Variants in TRPM3 observed in about 807,000 individuals in gnomAD.
The protein encoded by TRPM3 is long transient receptor potential channel 3.
A neutral mutation model predicts 181.2 loss-of-function variants in TRPM3; 77 were observed. That is an observed-to-expected ratio of 0.42 (90% CI 0.35 to 0.51). The LOEUF (loss-of-function observed/expected upper bound fraction) is 0.51. Among genes scored for constraint, TRPM3 ranks in the 20% least tolerant of loss-of-function variants. The pLI, the probability that TRPM3 is intolerant of heterozygous loss-of-function variation, is 0.01. For missense variants in TRPM3, 1,759 were observed against 2,196.7 expected, an observed-to-expected ratio of 0.80 and a Z score of 3.98; for synonymous variants, 745 against 796.4, an observed-to-expected ratio of 0.94 and a Z score of 1.09.
intron 1 of TRPM3, among the ~76,000 whole-genome samples, chr9:71,203,081 A>T (rs553650234): frequency 6.6e-6 from 1 of 152,322 alleles, no homozygotes; most frequent in South Asian, 2.1e-4. Flanking sequence ...TTTGGCTCCT[A>T]GAAGTGTTTG....
intron 1 of TRPM3, among the ~76,000 whole-genome samples, chr9:70,939,693 C>G (rs2096866433): frequency 6.6e-6 from 1 of 152,198 alleles, no homozygotes; most frequent in Non-Finnish European, 1.5e-5. Flanking sequence ...ATAGCTCAAT[C>G]TTTTGAATTG....
At chr9:71,034,532 T>C (rs1026842359) in intron 1 of TRPM3, among the ~76,000 whole-genome samples, 5 of 152,026 alleles carry the variant, frequency 3.3e-5, no homozygotes, top group African/African-American at 9.7e-5. Context: ...ACCTCTAATA[T>C]CTAGGGTGTA....
intron 1 of TRPM3, among the ~76,000 whole-genome samples, chr9:71,430,174 G>A (rs1324950731): frequency 6.6e-6 from 1 of 152,132 alleles, no homozygotes; most frequent in Non-Finnish European, 1.5e-5. Flanking sequence ...GCTGGAACTT[G>A]ATAAAATGAA....
intron 1 of TRPM3, among the ~76,000 whole-genome samples, chr9:71,011,705 T>G (rs548023242): frequency 1.3e-5 from 2 of 151,648 alleles, no homozygotes; most frequent in Non-Finnish European, 2.9e-5. Flanking sequence ...CTTAATTGCA[T>G]CTTGATTTTA....
At chr9:71,032,368 A>C (rs2134707637) in intron 1 of TRPM3, among the ~76,000 whole-genome samples, 1 of 150,782 alleles carries the variant, frequency 6.6e-6, no homozygotes, top group East Asian at 2.0e-4. Context: ...CCACAGGTTA[A>C]AAAAGTGATT....
intron 1 of TRPM3, among the ~76,000 whole-genome samples, chr9:71,420,681 A>AAG (rs1203106626): frequency 2.2e-5 from 2 of 88,906 alleles, no homozygotes; most frequent in Admixed American, 1.3e-4. Flanking sequence ...GAGAGAAAGA[A>AAG]AGAGAAAGGG....
At chr9:71,300,526 T>G (rs2086671956) in intron 1 of TRPM3, among the ~76,000 whole-genome samples, 1 of 152,080 alleles carries the variant, frequency 6.6e-6, no homozygotes, top group Admixed American at 6.6e-5. Context: ...TTTTTTTAAC[T>G]CAGTACTGTT....
chr9:71,288,773 A>G (rs1170644476), intron 1 of TRPM3, among the ~76,000 whole-genome samples: 3 of 152,182 alleles, frequency 2.0e-5, no homozygotes, highest in Non-Finnish European at 4.4e-5. Flanking sequence ...AAAATCAAAG[A>G]AAAAAGTTGA....
chr9:70,966,871 T>A (rs1453576958), intron 1 of TRPM3, among the ~76,000 whole-genome samples: 1 of 152,058 alleles, frequency 6.6e-6, no homozygotes, highest in Non-Finnish European at 1.5e-5. Flanking sequence ...TGCACATGTA[T>A]CCCTGAACTT....
chr9:71,345,457 G>A (rs2091236301), intron 1 of TRPM3, among the ~76,000 whole-genome samples: 1 of 152,110 alleles, frequency 6.6e-6, no homozygotes, highest in African/African-American at 2.4e-5. Context: ...GGATGAAGCT[G>A]GAAACCATCA....
chr9:70,962,038 G>T (rs1564851557), intron 1 of TRPM3, among the ~76,000 whole-genome samples: 1 of 152,072 alleles, frequency 6.6e-6, no homozygotes, highest in Admixed American at 6.6e-5. Context: ...GGAAGGAAAT[G>T]GTAGGAGAAC....
intron 1 of TRPM3, among the ~76,000 whole-genome samples, chr9:71,091,389 C>T (rs1381200983): frequency 1.3e-5 from 2 of 152,046 alleles, no homozygotes; most frequent in African/African-American, 4.8e-5. Flanking sequence ...GGAATCCATC[C>T]CAGTTCAGGG....
intron 1 of TRPM3, among the ~76,000 whole-genome samples, chr9:71,242,067 A>G (rs2081733347): frequency 6.6e-6 from 1 of 152,236 alleles, no homozygotes; most frequent in Non-Finnish European, 1.5e-5. Flanking sequence ...AACTTGGGAA[A>G]TCACTGCCCC....
At chr9:71,062,556 A>G in intron 1 of TRPM3, among the ~76,000 whole-genome samples, 1 of 152,110 alleles carries the variant, frequency 6.6e-6, no homozygotes, top group Admixed American at 6.6e-5. Context: ...TGCTTTCTAA[A>G]TACTTTTGTT....
intron 1 of TRPM3, among the ~76,000 whole-genome samples, chr9:71,114,585 T>A (rs908940434): frequency 6.6e-6 from 1 of 152,166 alleles, no homozygotes. Flanking sequence ...TCCAGAATCG[T>A]TGGTTAGTTT....
chr9:71,185,391 T>G (rs2077617733), intron 1 of TRPM3, among the ~76,000 whole-genome samples: 1 of 152,132 alleles, frequency 6.6e-6, no homozygotes, highest in Non-Finnish European at 1.5e-5. Flanking sequence ...AATATCTTTA[T>G]TTTCATGTAG....
At chr9:70,800,938 T>G (rs1438714519) in intron 6 of TRPM3, among the ~76,000 whole-genome samples, 1 of 152,140 alleles carries the variant, frequency 6.6e-6, no homozygotes, top group African/African-American at 2.4e-5. Flanking sequence ...AAGGATAAAT[T>G]GCAAAATTCA....
intron 22 of TRPM3, among the ~76,000 whole-genome samples, chr9:70,572,780 C>A (rs975414581): frequency 6.6e-6 from 1 of 152,172 alleles, no homozygotes; most frequent in Non-Finnish European, 1.5e-5. Context: ...CTCTCTCCAC[C>A]ATTTACAAAA....
intron 1 of TRPM3, among the ~76,000 whole-genome samples, chr9:71,014,859 T>C (rs1339456618): frequency 6.6e-6 from 1 of 152,184 alleles, no homozygotes; most frequent in Non-Finnish European, 1.5e-5. Context: ...ATGTTTTGTC[T>C]CAACTTTGTG....
Sources: gnomAD v4.1 joint callset for allele counts (sites outside exome capture counted in the v4.1 genomes callset) on GRCh38, gnomAD v4.1.1 for gene constraint, MANE v1.5 for transcripts, NCBI Gene and HGNC (gene_info 2026-07-23, HGNC 2026-07-21) for gene names.